Variants in AFAP1 observed in about 807,000 individuals in gnomAD.
AFAP1 encodes actin filament-associated protein 1.
AFAP1 carries 75 observed loss-of-function variants against 93.9 expected under a neutral mutation model. The observed-to-expected ratio is 0.80, with a 90% CI of 0.66 to 0.97. The LOEUF (loss-of-function observed/expected upper bound fraction) is 0.97. AFAP1 is among the 50% of genes least tolerant of loss of function. The pLI is 0.00. For missense variants in AFAP1, 1,201 were observed against 1,050.8 expected, an observed-to-expected ratio of 1.14 and a Z score of -1.98; for synonymous variants, 517 against 430.7, an observed-to-expected ratio of 1.20 and a Z score of -2.48.
Position 7,762,698 on chromosome 4 carries a change from T to G in AFAP1, c.*1067A>C, listed in dbSNP as rs1223005351. The G allele has an allele frequency of 6.6e-6, 1 of 152,230 alleles. No individual in the cohort carries two copies. The highest frequency in any genetic ancestry group is 1.5e-5 in the Non-Finnish European group (1 of 68,066). The allele number at this position is 152,230 out of a possible 1,614,324, so 9.4% of individuals were successfully genotyped here. ...AGCACGGCCAGGCCCACCAACACAT[T>G]AGTGGTTTAACTTGACAAGCTGGAG... is the stretch of plus-strand genomic sequence containing the variant. On this transcript the variant is annotated 3_prime_UTR_variant, in exon 18 of 18. Coordinates refer to ENST00000420658, the MANE Select transcript of AFAP1 (RefSeq NM_001134647.2).
At chr4:7,867,046 G>C (rs1049969896) in intron 3 of AFAP1, among the ~76,000 whole-genome samples, 12 of 139,828 alleles carry the variant, frequency 8.6e-5, no homozygotes, top group African/African-American at 2.9e-4. Context: ...GGAGGAAAGA[G>C]GAAAGATGAA....
Position 7,763,549 on chromosome 4 carries a change from G to C in AFAP1, c.*216C>G. 1 of 568,722 alleles carries C rather than the reference G, an allele frequency of 1.8e-6. No individual in the cohort carries two copies. Among genetic ancestry groups the C allele is most frequent in the Non-Finnish European group, 3.1e-6 (1 of 325,574 alleles). The allele number at this position is 568,722 out of a possible 1,614,324, so 35.2% of individuals were successfully genotyped here. A position where few individuals can be genotyped will look rare whatever the true frequency, so the allele number is the denominator to read the frequency against. On this transcript the variant is annotated 3_prime_UTR_variant, in exon 18 of 18. Coordinates refer to ENST00000420658, the MANE Select transcript of AFAP1 (RefSeq NM_001134647.2). ...CTTTTTTTGTTTTTTAACAAAGTTG[G>C]GAACCAAAGTCTTACATCTTTTTTA...
At chr4:7,842,027 C>T (rs1713077990) in intron 5 of AFAP1, among the ~76,000 whole-genome samples, 1 of 152,104 alleles carries the variant, frequency 6.6e-6, no homozygotes, top group South Asian at 2.1e-4. Flanking sequence ...TTATGTATTT[C>T]TAAAACATTC....
At chr4:7,770,908 C>T (rs1715339073) in intron 16 of AFAP1, among the ~76,000 whole-genome samples, 2 of 152,188 alleles carry the variant, frequency 1.3e-5, no homozygotes, top group Admixed American at 6.5e-5. Flanking sequence ...AAGGGAAGAC[C>T]CCTGCCCTGT....
At chr4:7,848,129 G>GGAAGGAAGGA (rs1560197086) in intron 4 of AFAP1, among the ~76,000 whole-genome samples, 37 of 63,554 alleles carry the variant, frequency 5.8e-4, no homozygotes, top group Non-Finnish European at 2.2e-4. Flanking sequence ...GGAAGGAAGG[G>GGAAGGAAGGA]AGTGAGTGAG....
intron 4 of AFAP1, among the ~76,000 whole-genome samples, chr4:7,847,803 C>G (rs1342343569): frequency 2.2e-4 from 27 of 121,326 alleles, no homozygotes; most frequent in African/African-American, 5.9e-4. Context: ...CGGGGTGGGG[C>G]ATTGATTAGA....
intron 17 of AFAP1, among the ~76,000 whole-genome samples, chr4:7,767,317 A>G (rs1184990598): frequency 6.6e-6 from 1 of 152,206 alleles, no homozygotes; most frequent in Admixed American, 6.5e-5. Flanking sequence ...GTATGACGGA[A>G]GCACACACGG....
intron 6 of AFAP1, among the ~76,000 whole-genome samples, chr4:7,822,729 C>T (rs1386095790): frequency 5.3e-5 from 8 of 150,438 alleles, no homozygotes; most frequent in African/African-American, 1.7e-4. Context: ...GGACTATAGG[C>T]GCCCGCCACT....
intron 1 of AFAP1, among the ~76,000 whole-genome samples, chr4:7,929,505 C>T (rs1049373899): frequency 8.5e-5 from 13 of 152,356 alleles, no homozygotes; most frequent in African/African-American, 2.4e-4. Flanking sequence ...CTCGGTTCCA[C>T]TGTGGAAATC....
At chr4:7,854,836 A>C (rs935840574) in intron 4 of AFAP1, among the ~76,000 whole-genome samples, 1 of 152,212 alleles carries the variant, frequency 6.6e-6, no homozygotes, top group Non-Finnish European at 1.5e-5. Flanking sequence ...TAGAGCCACC[A>C]ATTCAGAAAT....
chr4:7,782,717 C>T (rs1198646579), intron 12 of AFAP1, among the ~76,000 whole-genome samples: 1 of 152,192 alleles, frequency 6.6e-6, no homozygotes, highest in East Asian at 1.9e-4. Context: ...TGATAGTCTT[C>T]CTGCATAGTC....
intron 16 of AFAP1, chr4:7,772,247 A>G (rs910993972): frequency 6.6e-6 from 1 of 152,304 alleles, no homozygotes; most frequent in Admixed American, 6.5e-5. Context: ...CGCTCAATGG[A>G]GTGACGGCAT....
At chr4:7,871,890 A>G (rs1340956290) in intron 2 of AFAP1, 62 bp downstream of exon 2, 12 of 1,564,356 alleles carry the variant, frequency 7.7e-6, no homozygotes, top group Admixed American at 6.2e-5. Context: ...TGGTAAAATT[A>G]AAGACGATTT....
intron 1 of AFAP1, among the ~76,000 whole-genome samples, chr4:7,885,715 T>C (rs6820041): frequency 2.6e-5 from 4 of 152,112 alleles, no homozygotes; most frequent in African/African-American, 7.2e-5. Context: ...AAAGAGAAAA[T>C]TGCAGAGAAA....
At chr4:7,792,205 C>T (rs77275472) in intron 11 of AFAP1, among the ~76,000 whole-genome samples, 2 of 152,288 alleles carry the variant, frequency 1.3e-5, no homozygotes, top group South Asian at 2.1e-4. Context: ...GGTCTCTTAC[C>T]GCCAACTGCC....
intron 17 of AFAP1, among the ~76,000 whole-genome samples, chr4:7,765,749 A>C (rs1395398803): frequency 6.6e-6 from 1 of 152,234 alleles, no homozygotes. Context: ...CACAGACGCC[A>C]GGGCCAGACC....
intron 1 of AFAP1, among the ~76,000 whole-genome samples, chr4:7,908,260 T>G (rs1026700905): frequency 2.6e-5 from 4 of 152,144 alleles, no homozygotes; most frequent in Non-Finnish European, 5.9e-5. Context: ...GAGCCCAAGT[T>G]CCCAGAACAC....
At chr4:7,900,251 G>A (rs1280986762) in intron 1 of AFAP1, among the ~76,000 whole-genome samples, 2 of 152,184 alleles carry the variant, frequency 1.3e-5, no homozygotes, top group Non-Finnish European at 2.9e-5. Context: ...ATGCTTCCAA[G>A]ACTGCCTGTT....
intron 2 of AFAP1, among the ~76,000 whole-genome samples, chr4:7,871,220 C>T (rs1182268222): frequency 6.6e-6 from 1 of 152,168 alleles, no homozygotes; most frequent in Non-Finnish European, 1.5e-5. Context: ...GCTGCTCTCT[C>T]TAGAGGGGCC....
Sources: allele counts gnomAD v4.1 joint callset (sites outside exome capture counted in the v4.1 genomes callset), GRCh38; gene constraint gnomAD v4.1.1; transcripts MANE v1.5; gene names NCBI Gene and HGNC (gene_info 2026-07-23, HGNC 2026-07-21).